PXDNL: variants seen among roughly 807,000 people sequenced by gnomAD.
PXDNL encodes probable oxidoreductase PXDNL.
In PXDNL, 145 loss-of-function variants were observed where a neutral mutation model predicts 150.8. That is an observed-to-expected ratio of 0.96 (90% CI 0.84 to 1.10). The LOEUF (loss-of-function observed/expected upper bound fraction) is 1.10. PXDNL is among the 50% of genes least tolerant of loss of function. The probability of loss-of-function intolerance (pLI) is 0.00; values close to 1 mark genes in which losing one functional copy is unlikely to be tolerated. For synonymous variants in PXDNL, 757 were observed against 725.7 expected, an observed-to-expected ratio of 1.04 and a Z score of -0.69; for missense variants, 2,087 against 1,873.9, an observed-to-expected ratio of 1.11 and a Z score of -2.10.
At chr8:51,516,010 A>G (rs1811527503) in intron 4 of PXDNL, among the ~76,000 whole-genome samples, 1 of 152,208 alleles carries the variant, frequency 6.6e-6, no homozygotes, top group African/African-American at 2.4e-5. Flanking sequence ...ATTTCGAGTC[A>G]TAACTGAGGT....
In PXDNL at chr8:51,336,620, G is replaced by T. The variant is rs1433203132; in HGVS notation, c.4146+3004C>A. On this transcript the variant is annotated intron_variant, in intron 21 of 22. Coordinates refer to ENST00000356297, the MANE Select transcript of PXDNL (RefSeq NM_144651.5). ...CACCTGACAGTCACCCAGGAAATCT[G>T]CAGTTTATCATTGCTATCTATCCTG... Among the ~76,000 whole-genome samples the T allele has an allele frequency of 2.6e-5, 4 of 152,306 alleles. No homozygotes were observed. The East Asian group carries it at 7.7e-4, about 29-fold the overall frequency.
rs1430565224 is a variant in PXDNL, at chr8:51,372,100, A to AT, written c.3693-20_3693-19insA. 1.9e-6 allele frequency: 3 copies of AT among 1,551,396 alleles called. No individual in the cohort carries two copies. The highest frequency in any genetic ancestry group is 2.6e-6 in the Non-Finnish European group (3 of 1,144,734). ...CCAGAACCTGGTAGTCAACCAAAAA[A>AT]AAAACATTGTCGTGGGTCTGTGGCC... On this transcript the variant is annotated intron_variant, in intron 18 of 22. Coordinates refer to ENST00000356297, the MANE Select transcript of PXDNL (RefSeq NM_144651.5).
chr8:51,488,561 C>T (rs376665249), intron 5 of PXDNL, among the ~76,000 whole-genome samples: 1 of 152,170 alleles, frequency 6.6e-6, no homozygotes, highest in East Asian at 1.9e-4. Flanking sequence ...AGAAAAGTAA[C>T]GGAATTTTTG....
At chr8:51,548,084 C>T (rs1221784511) in intron 4 of PXDNL, among the ~76,000 whole-genome samples, 7 of 140,870 alleles carry the variant, frequency 5.0e-5, no homozygotes, top group African/African-American at 1.9e-4. Flanking sequence ...GAAGAAACAA[C>T]TTCAGAATTC....
At chr8:51,636,851 T>C (rs533040103) in intron 2 of PXDNL, among the ~76,000 whole-genome samples, 1 of 151,994 alleles carries the variant, frequency 6.6e-6, no homozygotes, top group Non-Finnish European at 1.5e-5. Context: ...GTAGTGGTTC[T>C]CCCAGCATGG....
intron 3 of PXDNL, among the ~76,000 whole-genome samples, chr8:51,559,191 G>C (rs954707472): frequency 5.9e-5 from 9 of 151,832 alleles, no homozygotes; most frequent in Non-Finnish European, 1.0e-4. Context: ...GAGCAGTTAA[G>C]GAGAACTATA....
At chr8:51,782,399 G>C (rs2037423913) in intron 1 of PXDNL, among the ~76,000 whole-genome samples, 1 of 152,044 alleles carries the variant, frequency 6.6e-6, no homozygotes, top group African/African-American at 2.4e-5. Context: ...TAAATATCAG[G>C]ATAAATGCTT....
At chr8:51,620,980 T>C (rs1204987210) in intron 2 of PXDNL, among the ~76,000 whole-genome samples, 1 of 152,226 alleles carries the variant, frequency 6.6e-6, no homozygotes, top group Non-Finnish European at 1.5e-5. Context: ...TAAATACCAA[T>C]GTTGTTTGCC....
At chr8:51,336,781 C>T (rs1037579025) in intron 21 of PXDNL, among the ~76,000 whole-genome samples, 1 of 152,184 alleles carries the variant, frequency 6.6e-6, no homozygotes, top group African/African-American at 2.4e-5. Context: ...CTACATGTCA[C>T]TCAGTGTACA....
At position 51,475,092 on chromosome 8, in the gene PXDNL, C is replaced by T. The variant is rs780683866; in HGVS notation, c.574G>A (p.Gly192Arg). ...LVCDCDLMWL[G>R]ELLQGFAQHG... is the part of the protein sequence containing the mutation. ...TGGGCAAAGCCTTGTAAAAGCTCCC[C>T]CAGCCACATCAGATCACAGTCACAA... The change falls in exon 7 of 23, where the codon GGG (glycine) becomes AGG (arginine). Residue 192 changes from glycine to arginine, a missense_variant. Coordinates refer to ENST00000356297, the MANE Select transcript of PXDNL (RefSeq NM_144651.5). 1.2e-6 allele frequency: 2 copies of T among 1,613,932 alleles called. No individual in the cohort carries two copies. The highest frequency in any genetic ancestry group is 1.7e-6 in the Non-Finnish European group (2 of 1,179,864).
intron 17 of PXDNL, among the ~76,000 whole-genome samples, chr8:51,384,650 T>C (rs1233028663): frequency 6.6e-6 from 1 of 152,008 alleles, no homozygotes; most frequent in Non-Finnish European, 1.5e-5. Flanking sequence ...AGTAAACAAA[T>C]GGGAAAAATA....
chr8:51,368,091 C>T (rs536328236), intron 19 of PXDNL, among the ~76,000 whole-genome samples: 30 of 152,246 alleles, frequency 2.0e-4, no homozygotes, highest in African/African-American at 6.7e-4. Context: ...TCCAAGATCA[C>T]GCCATTGCAC....
chr8:51,401,647 G>T (rs1043206040), intron 17 of PXDNL, among the ~76,000 whole-genome samples: 1 of 152,184 alleles, frequency 6.6e-6, no homozygotes, highest in Admixed American at 6.5e-5. Context: ...CTTTTCCTAT[G>T]TCTGAGATGC....
intron 1 of PXDNL, among the ~76,000 whole-genome samples, chr8:51,804,293 T>C (rs2037652450): frequency 6.6e-6 from 1 of 152,200 alleles, no homozygotes; most frequent in South Asian, 2.1e-4. Context: ...GATACAGATA[T>C]ATCTCAGTGA....
In PXDNL at chr8:51,680,696, G is replaced by T. The variant is rs1815726004; in HGVS notation, c.165-25936C>A. On this transcript the variant is annotated intron_variant, in intron 1 of 22. Coordinates refer to ENST00000356297, the MANE Select transcript of PXDNL (RefSeq NM_144651.5). Reference sequence around the variant, plus strand: ...AGTGACCATGGGTGCCCTGCAGCCGGGTGGCCAGACAGCGAGTCTCCCATG... The same window carrying T: ...AGTGACCATGGGTGCCCTGCAGCCGTGTGGCCAGACAGCGAGTCTCCCATG... 2.6e-5 allele frequency among the ~76,000 whole-genome samples: 4 copies of T among 152,172 alleles called. No individual in the cohort carries two copies. The South Asian group carries it at 8.3e-4, about 32-fold the overall frequency.
At chr8:51,716,808 G>A (rs554862144) in intron 1 of PXDNL, among the ~76,000 whole-genome samples, 1 of 152,344 alleles carries the variant, frequency 6.6e-6, no homozygotes, top group Non-Finnish European at 1.5e-5. Flanking sequence ...AGGAAGAGCA[G>A]AGAAGGCTCC....
At chr8:51,555,300 A>AACT (rs1426574350) in intron 4 of PXDNL, among the ~76,000 whole-genome samples, 1 of 152,132 alleles carries the variant, frequency 6.6e-6, no homozygotes, top group Non-Finnish European at 1.5e-5. Flanking sequence ...CACAATAAGA[A>AACT]ACTCACTTCC....
At chr8:51,503,343 C>A (rs193104594) in intron 4 of PXDNL, among the ~76,000 whole-genome samples, 1 of 152,288 alleles carries the variant, frequency 6.6e-6, no homozygotes, top group East Asian at 1.9e-4. Flanking sequence ...ATAGTGCAAG[C>A]ATATTTAAGT....
intron 1 of PXDNL, among the ~76,000 whole-genome samples, chr8:51,673,835 G>A (rs762329547): frequency 2.0e-5 from 3 of 152,114 alleles, no homozygotes; most frequent in African/African-American, 4.8e-5. Context: ...AGACTTAAAA[G>A]TTTAGCCTTT....
Sources: gnomAD v4.1 joint callset for allele counts (sites outside exome capture counted in the v4.1 genomes callset) on GRCh38, gnomAD v4.1.1 for gene constraint, MANE v1.5 for transcripts, NCBI Gene and HGNC (gene_info 2026-07-23, HGNC 2026-07-21) for gene names.